MIPOL1: variants seen among roughly 807,000 people sequenced by gnomAD.
MIPOL1 encodes the protein mirror-image polydactyly gene 1 protein.
A neutral mutation model predicts 60.9 loss-of-function variants in MIPOL1; 57 were observed. That is an observed-to-expected ratio of 0.94 (90% CI 0.76 to 1.17). The LOEUF is 1.17. Among genes scored for constraint, MIPOL1 ranks in the 50% most tolerant of loss-of-function variants. MIPOL1 has a pLI of 0.00. For missense variants in MIPOL1, 551 were observed against 511.6 expected, an observed-to-expected ratio of 1.08 and a Z score of -0.74; for synonymous variants, 179 against 168.8, an observed-to-expected ratio of 1.06 and a Z score of -0.47.
chr14:37,341,392 A>T (rs1230903806), intron 9 of MIPOL1, among the ~76,000 whole-genome samples: 1 of 152,234 alleles, frequency 6.6e-6, no homozygotes, highest in African/African-American at 2.4e-5. Flanking sequence ...TGCTAGCCTT[A>T]GAATGTGAAA....
chr14:37,223,248 G>A (rs1969127021), intron 1 of MIPOL1, among the ~76,000 whole-genome samples: 1 of 152,038 alleles, frequency 6.6e-6, no homozygotes, highest in Admixed American at 6.6e-5. Flanking sequence ...GGCCGGGCTG[G>A]TCTTGAACTC....
intron 12 of MIPOL1, among the ~76,000 whole-genome samples, chr14:37,508,853 A>T (rs73253773): frequency 2.2e-3 from 334 of 152,216 alleles, no homozygotes; most frequent in African/African-American, 7.2e-3. Context: ...GTTAGCAAGC[A>T]TCCAATCACA....
intron 1 of MIPOL1, among the ~76,000 whole-genome samples, chr14:37,235,564 A>C (rs1272715183): frequency 6.6e-6 from 1 of 152,116 alleles, no homozygotes; most frequent in African/African-American, 2.4e-5. Context: ...GGTAGGATTC[A>C]TTCTTGTTTG....
intron 11 of MIPOL1, among the ~76,000 whole-genome samples, chr14:37,475,835 T>G (rs896782465): frequency 1.3e-5 from 2 of 152,220 alleles, no homozygotes; most frequent in Non-Finnish European, 2.9e-5. Flanking sequence ...AGCGGTATAG[T>G]AAGTCTTGAA....
intron 11 of MIPOL1, among the ~76,000 whole-genome samples, chr14:37,441,598 A>G (rs148633402): frequency 3.3e-5 from 5 of 152,064 alleles, no homozygotes; most frequent in East Asian, 3.9e-4. Flanking sequence ...CTGTGTGTCT[A>G]TTTTTGTACC....
Position 37,247,884 on chromosome 14 carries a change from T to C in MIPOL1, c.-5T>C. 6 of 1,612,824 alleles carry C rather than the reference T, an allele frequency of 3.7e-6. No homozygotes were observed. The highest frequency in any genetic ancestry group is 1.3e-5 in the African/African-American group (1 of 74,872). On this transcript the variant is annotated 5_prime_UTR_variant, in exon 3 of 13. Transcript: ENST00000684589. ...TTGCCAGAGCAAACAAGAACAGAAATACAAATGGAGAACTGGTCAAAAGGT... is the reference window on the plus strand; with the variant it reads ...TTGCCAGAGCAAACAAGAACAGAAACACAAATGGAGAACTGGTCAAAAGGT...
At chr14:37,434,827 C>T (rs2094136990) in intron 11 of MIPOL1, among the ~76,000 whole-genome samples, 1 of 146,698 alleles carries the variant, frequency 6.8e-6, no homozygotes, top group Non-Finnish European at 1.5e-5. Flanking sequence ...TCAAAGTCTA[C>T]TGATTAAACA....
At position 37,421,167 on chromosome 14, in the gene MIPOL1, C is replaced by T. The variant is rs1276885327; in HGVS notation, c.937-1688C>T. Among the ~76,000 whole-genome samples the T allele has an allele frequency of 4.6e-5, 7 of 152,024 alleles. No individual in the cohort carries two copies. The South Asian group carries it at 1.4e-3, about 31-fold the overall frequency. Reference sequence around the variant, plus strand: ...CATTTTCATTATGAAAATTTCTAGGCAAAAACTACATTTCAGTGTTTTCCT... The same window carrying T: ...CATTTTCATTATGAAAATTTCTAGGTAAAAACTACATTTCAGTGTTTTCCT... On this transcript the variant is annotated intron_variant, in intron 10 of 12. Coordinates refer to ENST00000684589, the MANE Select transcript of MIPOL1 (RefSeq NM_001388067.1).
chr14:37,504,723 A>G (rs1046299796), intron 12 of MIPOL1: 1 of 152,220 alleles, frequency 6.6e-6, no homozygotes, highest in East Asian at 1.9e-4. Flanking sequence ...AACAAATTCA[A>G]AAGCTAGCAC....
intron 11 of MIPOL1, among the ~76,000 whole-genome samples, chr14:37,451,071 A>T (rs1384725624): frequency 6.6e-6 from 1 of 152,200 alleles, no homozygotes; most frequent in Non-Finnish European, 1.5e-5. Flanking sequence ...TAGGAATATT[A>T]TTTGTTTCCT....
chr14:37,374,784 T>A (rs1235147926), intron 10 of MIPOL1, among the ~76,000 whole-genome samples: 2 of 152,174 alleles, frequency 1.3e-5, no homozygotes, highest in African/African-American at 4.8e-5. Context: ...TTTTGGTTAC[T>A]GTAGCCTCGT....
chr14:37,270,767 C>G (rs1567225051), intron 6 of MIPOL1, among the ~76,000 whole-genome samples: 1 of 149,734 alleles, frequency 6.7e-6, no homozygotes, highest in African/African-American at 2.5e-5. Flanking sequence ...AACACCATGT[C>G]AATCCAATCA....
At chr14:37,434,326 G>A (rs942416792) in intron 11 of MIPOL1, 1 of 152,102 alleles carries the variant, frequency 6.6e-6, no homozygotes, top group African/African-American at 2.4e-5. Flanking sequence ...CCACATAAGT[G>A]TCTTCTTTTG....
At chr14:37,418,480 C>T (rs949531444) in intron 10 of MIPOL1, among the ~76,000 whole-genome samples, 2 of 152,114 alleles carry the variant, frequency 1.3e-5, no homozygotes, top group Admixed American at 6.5e-5. Context: ...AAAATACACT[C>T]TGATTATTCT....
At chr14:37,461,582 C>G (rs760809209) in intron 11 of MIPOL1, among the ~76,000 whole-genome samples, 5 of 152,042 alleles carry the variant, frequency 3.3e-5, no homozygotes, top group Non-Finnish European at 5.9e-5. Flanking sequence ...GAACAGTCCC[C>G]CAAACAGTCT....
intron 12 of MIPOL1, among the ~76,000 whole-genome samples, chr14:37,530,114 G>A (rs2095470755): frequency 6.6e-6 from 1 of 152,174 alleles, no homozygotes; most frequent in African/African-American, 2.4e-5. Flanking sequence ...TAGGTTGGTA[G>A]CAGTGAGAAT....
chr14:37,296,375 T>C (rs2085681800), intron 7 of MIPOL1, among the ~76,000 whole-genome samples: 1 of 152,140 alleles, frequency 6.6e-6, no homozygotes, highest in Non-Finnish European at 1.5e-5. Flanking sequence ...ATTGACACCC[T>C]AACATCACAA....
At chr14:37,331,612 G>T (rs1266885708) in intron 9 of MIPOL1, among the ~76,000 whole-genome samples, 6 of 149,600 alleles carry the variant, frequency 4.0e-5, no homozygotes, top group African/African-American at 1.5e-4. Flanking sequence ...TGTTTATGTT[G>T]ATTTTATATT....
At chr14:37,241,149 A>G in intron 1 of MIPOL1, among the ~76,000 whole-genome samples, 1 of 152,106 alleles carries the variant, frequency 6.6e-6, no homozygotes, top group South Asian at 2.1e-4. Context: ...TTGAGCCCCA[A>G]AAGAGTGAAT....
Sources: gnomAD v4.1 joint callset for allele counts (sites outside exome capture counted in the v4.1 genomes callset) on GRCh38, gnomAD v4.1.1 for gene constraint, MANE v1.5 for transcripts, NCBI Gene and HGNC (gene_info 2026-07-23, HGNC 2026-07-21) for gene names.